Variants in IARS1 observed in about 807,000 individuals in gnomAD.
IARS1 encodes the protein isoleucine--tRNA ligase, cytoplasmic.
IARS1 carries 124 observed loss-of-function variants against 168.2 expected under a neutral mutation model. The ratio of observed to expected loss-of-function variants is 0.74; its 90% CI spans 0.64 to 0.86. The LOEUF (loss-of-function observed/expected upper bound fraction) is 0.86. Among genes scored for constraint, IARS1 ranks in the 40% least tolerant of loss-of-function variants. The probability of loss-of-function intolerance (pLI) is 0.00; values close to 1 mark genes in which losing one functional copy is unlikely to be tolerated. For missense variants in IARS1, 1,452 were observed against 1,515.8 expected, an observed-to-expected ratio of 0.96 and a Z score of 0.70; for synonymous variants, 532 against 529.4, an observed-to-expected ratio of 1.00 and a Z score of -0.07.
chr9:92,274,296 C>T (rs1833493249), intron 10 of IARS1, 130 bp downstream of exon 10: 1 of 639,502 alleles, frequency 1.6e-6, no homozygotes, highest in African/African-American at 1.8e-5. Flanking sequence ...ATTTTACAAG[C>T]CATCTTGCAG....
intron 2 of IARS1, 21 bp from the exon 3 acceptor site, chr9:92,288,303 A>G (rs1414208410): frequency 6.2e-7 from 1 of 1,612,966 alleles, no homozygotes; most frequent in Non-Finnish European, 8.5e-7. Context: ...ATAAAAATAT[A>G]TCAAGCCATT....
rs1826565155 is a variant in IARS1 at position 92,230,878 on chromosome 9, C to A, written c.3284-1752G>T. Among the ~76,000 whole-genome samples the A allele has an allele frequency of 2.0e-5, 3 of 152,178 alleles. No homozygotes were observed. In the South Asian group the frequency reaches 6.2e-4, roughly 32 times the overall value. On this transcript the variant is annotated intron_variant, in intron 30 of 33. Coordinates refer to ENST00000443024, the MANE Select transcript of IARS1 (RefSeq NM_002161.6). The stretch of plus-strand genomic sequence containing the variant: ...TAAATGTTGTCATGGACATTTCTGT[C>A]ATTTGTATATTCCCTTTGGTAAATG...
chr9:92,283,688 C>A (rs866569260), intron 6 of IARS1, among the ~76,000 whole-genome samples: 1 of 152,110 alleles, frequency 6.6e-6, no homozygotes. Flanking sequence ...GATAATTCCA[C>A]TACTTGTTAT....
At position 92,283,156 on chromosome 9, in the gene IARS1, T is replaced by C. The variant is rs1834902466; in HGVS notation, c.598-2263A>G. ...TTAAAAACCCTTGGTTAACAATCAA[T>C]ATACAGACCGCGTAGAATAGAGGTC... On this transcript the variant is annotated intron_variant, in intron 6 of 33. Transcript: ENST00000443024. Among the ~76,000 whole-genome samples, 3 of 152,328 alleles carry C rather than the reference T, an allele frequency of 2.0e-5. No homozygotes were observed. The South Asian group carries it at 6.2e-4, about 32-fold the overall frequency.
At position 92,269,993 on chromosome 9, in the gene IARS1, C is replaced by G. The variant is rs1418759816; in HGVS notation, c.1206-10G>C. The stretch of plus-strand genomic sequence containing the variant: ...TAGAGGAGTGTCTGATCTGGGGAAG[C>G]AGAAACACACACATAGCTGCTCAGG... On this transcript the variant is annotated splice_polypyrimidine_tract_variant and intron_variant, in intron 12 of 33. Transcript: ENST00000443024. 2 of 1,570,626 alleles carry G rather than the reference C, an allele frequency of 1.3e-6. No individual in the cohort carries two copies. The highest frequency in any genetic ancestry group is 2.2e-5 in the South Asian group (2 of 90,218).
At position 92,212,832 on chromosome 9, in the gene IARS1, G is replaced by A. The variant is rs577918566; in HGVS notation, c.3707-1943C>T. On this transcript the variant is annotated intron_variant, in intron 33 of 33. Coordinates refer to ENST00000443024, the MANE Select transcript of IARS1 (RefSeq NM_002161.6). ...GACAGGGAAGGCCCAGAGCAGGAAG[G>A]ATCTTGTGTGGAAGGGAAGATTCTG... Among the ~76,000 whole-genome samples, 44 of 152,298 alleles carry A rather than the reference G, an allele frequency of 2.9e-4. 1 individual carries two copies. The highest frequency in any genetic ancestry group is 9.6e-4 in the African/African-American group (40 of 41,556).
At chr9:92,227,421 G>A (rs1375357985) in intron 31 of IARS1, among the ~76,000 whole-genome samples, 1 of 147,300 alleles carries the variant, frequency 6.8e-6, no homozygotes, top group African/African-American at 2.5e-5. Context: ...CAGGGCGGCT[G>A]GCCGGGCGGG....
chr9:92,238,661 T>G (rs1334694602), intron 30 of IARS1, among the ~76,000 whole-genome samples: 1 of 152,226 alleles, frequency 6.6e-6, no homozygotes, highest in East Asian at 1.9e-4. Context: ...TACAGTTACT[T>G]AAAACATATT....
Position 92,285,824 on chromosome 9 carries a change from T to G in IARS1, c.495A>C (p.Gln165His), listed in dbSNP as rs747668575. Residue 165 changes from glutamine to histidine, a missense_variant, in exon 6 of 34, where the codon CAA (glutamine) becomes CAC (histidine). By Grantham distance (24) the Gln-to-His change is conservative (BLOSUM62 0). Transcript: ENST00000443024. Reference protein sequence around the residue: ...FMESVWWVFKQLYDKGLVYRG... With the variant: ...FMESVWWVFKHLYDKGLVYRG... ...TATAAACAAGGCCTTTATCATAGAG[T>G]TGTTTGAAGACCCACCTGGTAAGAG... 2.2e-5 allele frequency: 36 copies of G among 1,602,794 alleles called. No individual in the cohort carries two copies. The highest frequency in any genetic ancestry group is 3.1e-5 in the Non-Finnish European group (36 of 1,170,930).
intron 33 of IARS1, among the ~76,000 whole-genome samples, chr9:92,217,452 A>C (rs1040323912): frequency 2.8e-5 from 4 of 140,870 alleles, no homozygotes; most frequent in Admixed American, 2.8e-4. Context: ...ATAGAGACAC[A>C]AAAAACCCTT....
intron 33 of IARS1, among the ~76,000 whole-genome samples, chr9:92,211,353 C>CAGAG (rs1189675398): frequency 1.3e-5 from 2 of 148,224 alleles, no homozygotes; most frequent in East Asian, 3.9e-4. Flanking sequence ...TCCAGGGTCT[C>CAGAG]TCTCTCTCTC....
intron 30 of IARS1, 113 bp from the exon 31 acceptor site, chr9:92,229,239 C>G (rs1026025593): frequency 1.1e-5 from 11 of 969,558 alleles, no homozygotes; most frequent in Non-Finnish European, 1.5e-5. Context: ...TTTTCCTTTT[C>G]CCCCAACTAT....
At chr9:92,283,085 A>G (rs1834892042) in intron 6 of IARS1, among the ~76,000 whole-genome samples, 1 of 152,018 alleles carries the variant, frequency 6.6e-6, no homozygotes, top group South Asian at 2.1e-4. Flanking sequence ...CAAAAGTGCG[A>G]GGATTTCAGG....
intron 30 of IARS1, 94 bp from the exon 31 acceptor site, chr9:92,229,220 C>T: frequency 7.5e-7 from 1 of 1,327,748 alleles, no homozygotes; most frequent in South Asian, 1.4e-5. Flanking sequence ...GGGGTTCAAG[C>T]CCTAATATTT....
chr9:92,276,288 CTTAA>C (rs1212579646), intron 9 of IARS1, among the ~76,000 whole-genome samples: 3 of 151,984 alleles, frequency 2.0e-5, no homozygotes, highest in East Asian at 1.9e-4. Flanking sequence ...AGTAGGAAAA[CTTAA>C]TTAAAGAAAG....
intron 10 of IARS1, among the ~76,000 whole-genome samples, chr9:92,273,409 A>C (rs921826318): frequency 3.3e-5 from 5 of 152,200 alleles, no homozygotes; most frequent in African/African-American, 1.2e-4. Context: ...AGCTAGAATT[A>C]CTTAGACACG....
intron 4 of IARS1, 53 bp downstream of exon 4, chr9:92,287,738 C>G: frequency 6.4e-7 from 1 of 1,555,378 alleles, no homozygotes; most frequent in Non-Finnish European, 8.7e-7. Flanking sequence ...CATTTCAATG[C>G]CCATTTAGTA....
Position 92,250,735 on chromosome 9 carries a change from A to T in IARS1, c.2407T>A (p.Tyr803Asn). 2.5e-6 allele frequency: 4 copies of T among 1,612,516 alleles called. No homozygotes were observed. The highest frequency in any genetic ancestry group is 3.4e-6 in the Non-Finnish European group (4 of 1,179,382). Reference sequence around the variant, plus strand: ...TACCGAACACGGGGCAGCATGAGGTAGTGAATGCTGAGTGTGTCCTTGTCC... The same window carrying T: ...TACCGAACACGGGGCAGCATGAGGTTGTGAATGCTGAGTGTGTCCTTGTCC... ...VQDKDTLSIH[Y>N]LMLPRVREEL... is the part of the protein sequence containing the mutation. Residue 803 changes from tyrosine to asparagine, a missense_variant, in exon 23 of 34, where the codon TAC (tyrosine) becomes AAC (asparagine). By Grantham distance (143) the Tyr-to-Asn change is moderately radical. Transcript: ENST00000443024.
chr9:92,221,611 A>G (rs761262235), intron 33 of IARS1, among the ~76,000 whole-genome samples: 5 of 152,246 alleles, frequency 3.3e-5, no homozygotes, highest in Non-Finnish European at 5.9e-5. Context: ...GAGCAGCCAC[A>G]GAAGCTGAAA....
Sources: allele counts gnomAD v4.1 joint callset (sites outside exome capture counted in the v4.1 genomes callset), GRCh38; gene constraint gnomAD v4.1.1; transcripts MANE v1.5; gene names NCBI Gene and HGNC (gene_info 2026-07-23, HGNC 2026-07-21).